Variants in F13B observed in about 807,000 individuals in gnomAD.
The protein encoded by F13B is coagulation factor XIII B chain, also known as TGase.
Under a neutral mutation model 79.8 loss-of-function variants are expected in F13B, and 58 were observed. That is an observed-to-expected ratio of 0.73 (90% CI 0.59 to 0.90). F13B has a LOEUF of 0.90. F13B is among the 40% of genes least tolerant of loss of function. F13B has a pLI of 0.00. For missense variants in F13B, 773 were observed against 777.0 expected, an observed-to-expected ratio of 0.99 and a Z score of 0.06; for synonymous variants, 283 against 260.3, an observed-to-expected ratio of 1.09 and a Z score of -0.84.
At chr1:197,042,394 A>C (rs953513765) in intron 10 of F13B, among the ~76,000 whole-genome samples, 6 of 152,216 alleles carry the variant, frequency 3.9e-5, no homozygotes, top group Non-Finnish European at 7.3e-5. Context: ...AGAGGAGATT[A>C]TATCAAACCA....
chr1:197,064,698 T>A (rs1264784740), intron 1 of F13B, among the ~76,000 whole-genome samples: 4 of 152,180 alleles, frequency 2.6e-5, no homozygotes, highest in Non-Finnish European at 5.9e-5. Context: ...AAGTGTATCC[T>A]GTGATTTTTG....
Position 197,057,453 on chromosome 1 carries a change from C to T in F13B, c.818G>A (p.Arg273Lys), listed in dbSNP as rs1655688023. 6.2e-7 allele frequency: 1 copy of T among 1,613,622 alleles called. No individual in the cohort carries two copies. Among genetic ancestry groups the T allele is most frequent in the African/African-American group, 1.3e-5 (1 of 74,900 alleles). Reference protein sequence around the residue: ...ESPVCEGRRNRCPPPPLPINS... With the variant: ...ESPVCEGRRNKCPPPPLPINS... Reference sequence around the variant, plus strand: ...TATGGGCAGAGGTGGAGGAGGACATCTGTTTCTTCTTCCTTATGGAAAAAA... The same window carrying T: ...TATGGGCAGAGGTGGAGGAGGACATTTGTTTCTTCTTCCTTATGGAAAAAA... The change falls in exon 6 of 12, where the codon AGA (arginine) becomes AAA (lysine). Residue 273 changes from arginine to lysine, a missense_variant. Physicochemically the swap from Arg to Lys is conservative, Grantham distance 26 (BLOSUM62 2). Coordinates refer to ENST00000367412, the MANE Select transcript of F13B (RefSeq NM_001994.3).
At position 197,039,351 on chromosome 1, in the gene F13B, T is replaced by G; in HGVS notation, c.*27A>C. On this transcript the variant is annotated 3_prime_UTR_variant, in exon 12 of 12. Transcript: ENST00000367412. ...TAAGGAATTTCATGATGTATTGAAA[T>G]ATGACTCCTCTTTCTGCCATTCATT... 6.3e-7 allele frequency: 1 copy of G among 1,583,792 alleles called. No individual in the cohort carries two copies. Among genetic ancestry groups the G allele is most frequent in the Non-Finnish European group, 8.7e-7 (1 of 1,153,976 alleles).
In F13B at chr1:197,060,987, A is replaced by G; in HGVS notation, c.540T>C (p.Cys180=). ...CTCCAGCTGTGTAGTAGCCAGTAGC[A>G]CATTCGTATTGTACTTTGTCCTTCA... ...FKVKDKVQYE[C]ATGYYTAGGK... Residue 180 remains cysteine, a synonymous_variant, in exon 4 of 12, where the codon TGT becomes TGC. Coordinates refer to ENST00000367412, the MANE Select transcript of F13B (RefSeq NM_001994.3). 1.2e-6 allele frequency: 2 copies of G among 1,611,658 alleles called. No individual in the cohort carries two copies. The highest frequency in any genetic ancestry group is 1.7e-6 in the Non-Finnish European group (2 of 1,178,018).
intron 10 of F13B, among the ~76,000 whole-genome samples, chr1:197,045,083 A>G (rs867691171): frequency 2.6e-5 from 4 of 152,312 alleles, no homozygotes; most frequent in Middle Eastern, 3.4e-3. Context: ...ACACCCTAAC[A>G]TCACAATGAA....
At chr1:197,041,127 A>G (rs996297515) in intron 10 of F13B, among the ~76,000 whole-genome samples, 11 of 152,276 alleles carry the variant, frequency 7.2e-5, no homozygotes, top group Admixed American at 5.2e-4. Flanking sequence ...AGAAAGTTCA[A>G]ATAAAATTCT....
Position 197,039,374 on chromosome 1 carries a change from A to T in F13B, c.*4T>A. Reference sequence around the variant, plus strand: ...AATATGACTCCTCTTTCTGCCATTCATTTCTATGTTCTTAAGGGTTCTTGA... The same window carrying T: ...AATATGACTCCTCTTTCTGCCATTCTTTTCTATGTTCTTAAGGGTTCTTGA... On this transcript the variant is annotated 3_prime_UTR_variant, in exon 12 of 12. Transcript: ENST00000367412. 6.2e-7 allele frequency: 1 copy of T among 1,608,580 alleles called. No homozygotes were observed. The highest frequency in any genetic ancestry group is 2.2e-5 in the East Asian group (1 of 44,632).
chr1:197,041,424 T>A (rs1655034007), intron 10 of F13B, among the ~76,000 whole-genome samples: 1 of 152,168 alleles, frequency 6.6e-6, no homozygotes, highest in African/African-American at 2.4e-5. Flanking sequence ...ATAAAAACAT[T>A]AATATTTCTA....
intron 10 of F13B, among the ~76,000 whole-genome samples, chr1:197,045,930 T>C (rs1041623554): frequency 6.6e-6 from 1 of 152,150 alleles, no homozygotes; most frequent in Non-Finnish European, 1.5e-5. Context: ...ATTATCTCAA[T>C]AGATTCAGAA....
Position 197,056,891 on chromosome 1 carries a change from A to G in F13B, c.1171+122T>C, listed in dbSNP as rs1200240358. On this transcript the variant is annotated intron_variant, in intron 7 of 11. Transcript: ENST00000367412. ...TGCAAAGCAGAAGAGTAGGTGCTGT[A>G]GCAATGTGTTTCTAATTTGCCTAAG... 6 of 886,482 alleles carry G rather than the reference A, an allele frequency of 6.8e-6. No homozygotes were observed. In the East Asian group the frequency reaches 1.6e-4, roughly 23 times the overall value. The allele number at this position is 886,482 out of a possible 1,614,324, so 54.9% of individuals were successfully genotyped here.
intron 8 of F13B, among the ~76,000 whole-genome samples, chr1:197,054,074 A>T (rs1054092233): frequency 6.6e-6 from 1 of 152,090 alleles, no homozygotes; most frequent in African/African-American, 2.4e-5. Flanking sequence ...TTCCAGTTTC[A>T]ATAGTTACCA....
Position 197,050,728 on chromosome 1 carries a change from A to C in F13B, c.1707T>G (p.Asp569Glu), listed in dbSNP as rs6000. ...ACAATGGTGGTGTAGTCCACATTCCATCTAAACAATAGGCCTCCCTAGATC... is the reference window on the plus strand; with the variant it reads ...ACAATGGTGGTGTAGTCCACATTCCCTCTAAACAATAGGCCTCCCTAGATC... ...LEGSREAYCLDGMWTTPPLCL... is the reference protein window; with the variant it reads ...LEGSREAYCLEGMWTTPPLCL... Residue 569 changes from aspartate to glutamate, a missense_variant, in exon 10 of 12, where the codon GAT (aspartate) becomes GAG (glutamate). Asp to Glu is a conservative substitution (Grantham distance 45). Transcript: ENST00000367412. The C allele has an allele frequency of 3.4e-3, 5,441 of 1,613,206 alleles. 109 individuals are homozygous for C. The African/African-American group carries it at 0.049, about 15-fold the overall frequency.
chr1:197,052,519 C>T (rs1655483838), intron 9 of F13B, 115 bp downstream of exon 9: 2 of 704,720 alleles, frequency 2.8e-6, no homozygotes, highest in Admixed American at 3.1e-5. Context: ...TAAAATAAAA[C>T]AAAATTAAAA....
In F13B at chr1:197,053,579, A is replaced by G. The variant is rs572977999; in HGVS notation, c.1355-745T>C. On this transcript the variant is annotated intron_variant, in intron 8 of 11. Transcript: ENST00000367412. ...TGAGTGCATTAAATCTCTTTCCTTT[A>G]TAAATTACCCAGTCTCAGGTATGTC... Among the ~76,000 whole-genome samples, 7 of 152,230 alleles carry G rather than the reference A, an allele frequency of 4.6e-5. No individual in the cohort carries two copies. In the South Asian group the frequency reaches 1.2e-3, roughly 27 times the overall value.
chr1:197,060,470 C>T lies in F13B; in HGVS notation c.701G>A (p.Gly234Glu). Residue 234 changes from glycine to glutamate, a missense_variant, in exon 5 of 12, where the codon GGA (glycine) becomes GAA (glutamate). Gly to Glu is a moderately conservative substitution (Grantham distance 98). Transcript: ENST00000367412. ...ATGACAGAAAAACTGAACGACATCT[C>T]CTTCTTCATAGGTTTGCTTTACAGG... ...FHPVKQTYEE[G>E]DVVQFFCHEN... The T allele has an allele frequency of 6.2e-7, 1 of 1,608,662 alleles. No individual in the cohort carries two copies. The highest frequency in any genetic ancestry group is 8.5e-7 in the Non-Finnish European group (1 of 1,176,664).
chr1:197,038,801 A>C lies in F13B; in HGVS notation c.*577T>G, dbSNP rs1654934685. 6.6e-6 allele frequency among the ~76,000 whole-genome samples: 1 copy of C among 152,080 alleles called. No individual in the cohort carries two copies. Among genetic ancestry groups the C allele is most frequent in the Non-Finnish European group, 1.5e-5 (1 of 67,980 alleles). On this transcript the variant is annotated 3_prime_UTR_variant, in exon 12 of 12. Coordinates refer to ENST00000367412, the MANE Select transcript of F13B (RefSeq NM_001994.3). ...TAACAATATTTGAGCACATGTTCAA[A>C]TATGGTAGTACACCACCTCATAAAC...
At chr1:197,065,964 A>G (rs1230658145) in intron 1 of F13B, among the ~76,000 whole-genome samples, 2 of 150,462 alleles carry the variant, frequency 1.3e-5, no homozygotes, top group Non-Finnish European at 3.0e-5. Context: ...ATGCAAAAAT[A>G]AAATCATTGT....
At chr1:197,052,482 T>G in intron 9 of F13B, 152 bp downstream of exon 9, 1 of 546,682 alleles carries the variant, frequency 1.8e-6, no homozygotes, top group Non-Finnish European at 3.1e-6. Flanking sequence ...TCTGCACTTG[T>G]GTCTCAGAAC....
intron 7 of F13B, among the ~76,000 whole-genome samples, chr1:197,056,332 TCA>T (rs1655640886): frequency 6.6e-6 from 1 of 152,170 alleles, no homozygotes; most frequent in East Asian, 1.9e-4. Flanking sequence ...TATCTTTCTC[TCA>T]CTTTATCTAT....
Sources: allele counts gnomAD v4.1 joint callset (sites outside exome capture counted in the v4.1 genomes callset), GRCh38; gene constraint gnomAD v4.1.1; transcripts MANE v1.5; gene names NCBI Gene and HGNC (gene_info 2026-07-23, HGNC 2026-07-21).